ZFYVE16: variants seen among roughly 807,000 people sequenced by gnomAD.
The protein encoded by ZFYVE16 is zinc finger FYVE domain-containing protein 16.
Under a neutral mutation model 138.1 loss-of-function variants are expected in ZFYVE16, and 89 were observed. The observed-to-expected ratio is 0.64, with a 90% CI of 0.54 to 0.77. The LOEUF (loss-of-function observed/expected upper bound fraction) is 0.77. Among genes scored for constraint, ZFYVE16 ranks in the 30% least tolerant of loss-of-function variants. The pLI, the probability that ZFYVE16 is intolerant of heterozygous loss-of-function variation, is 0.00. For synonymous variants in ZFYVE16, 596 were observed against 618.3 expected, an observed-to-expected ratio of 0.96 and a Z score of 0.53; for missense variants, 1,793 against 1,786.7, an observed-to-expected ratio of 1.00 and a Z score of -0.06.
chr5:80,477,169 AG>A, intron 18 of ZFYVE16, 49 bp from the exon 19 acceptor site: 2 of 1,442,932 alleles, frequency 1.4e-6, no homozygotes, highest in Non-Finnish European at 1.9e-6. Context: ...TCACATTCCG[AG>A]TTAAACAAGA....
chr5:80,456,058 G>A (rs2112475127), intron 12 of ZFYVE16: 1 of 353,436 alleles, frequency 2.8e-6, no homozygotes, highest in Middle Eastern at 7.7e-4. Context: ...ACTCTATACA[G>A]ACCTCTTAAA....
At chr5:80,454,150 T>C (rs1377079612) in intron 11 of ZFYVE16, 2 of 152,228 alleles carry the variant, frequency 1.3e-5, no homozygotes, top group African/African-American at 2.4e-5. Flanking sequence ...TTACAAAATA[T>C]GTTTGTACTA....
chr5:80,448,527 C>A (rs1406813008), intron 8 of ZFYVE16, 123 bp downstream of exon 8: 5 of 924,850 alleles, frequency 5.4e-6, no homozygotes, highest in Non-Finnish European at 7.2e-6. Context: ...AGGCTGGTAA[C>A]TTTTGTTTAC....
chr5:80,459,735 T>TTGTTTAGGCAG (rs1297435423), intron 15 of ZFYVE16, among the ~76,000 whole-genome samples: 1 of 152,166 alleles, frequency 6.6e-6, no homozygotes, highest in African/African-American at 2.4e-5. Flanking sequence ...TTTTACTTTG[T>TTGTTTAGGCAG]ATATACATCT....
chr5:80,449,540 C>T (rs1183558337), intron 8 of ZFYVE16, 51 bp from the exon 9 acceptor site: 2 of 1,538,738 alleles, frequency 1.3e-6, no homozygotes, highest in East Asian at 2.4e-5. Context: ...CATTTGTAAG[C>T]ATATTTAACA....
intron 2 of ZFYVE16, among the ~76,000 whole-genome samples, chr5:80,431,834 G>A (rs371895228): frequency 4.6e-5 from 7 of 152,094 alleles, no homozygotes; most frequent in African/African-American, 1.2e-4. Context: ...CCCATTCACA[G>A]TTGCTTCAAA....
intron 18 of ZFYVE16, among the ~76,000 whole-genome samples, chr5:80,476,954 A>G (rs2112566061): frequency 6.6e-6 from 1 of 152,224 alleles, no homozygotes; most frequent in South Asian, 2.1e-4. Flanking sequence ...TCATCCCTCT[A>G]ATTTGTTTAT....
intron 14 of ZFYVE16, among the ~76,000 whole-genome samples, chr5:80,458,828 C>T (rs978488508): frequency 6.6e-6 from 1 of 152,182 alleles, no homozygotes; most frequent in African/African-American, 2.4e-5. Flanking sequence ...TTTGTGGTGT[C>T]ACCAGTAGTG....
chr5:80,451,549 C>T lies in ZFYVE16; in HGVS notation c.3447C>T (p.His1149=), dbSNP rs778444091. The T allele has an allele frequency of 7.4e-6, 12 of 1,613,798 alleles. No individual in the cohort carries two copies. Among genetic ancestry groups the T allele is most frequent in the African/African-American group, 2.7e-5 (2 of 75,000 alleles). The change falls in exon 11 of 19, where the codon CAC becomes CAT. Residue 1149 remains histidine (H), a synonymous_variant. Transcript: ENST00000505560. The part of the protein sequence containing the change: ...FTESFLSSKD[H]GGFLFITPTF... ...AGAGTTTTCTCAGTAGCAAGGATCA[C>T]GGAGGATTCCTGTTTATTACACCTA...
rs140858767 is a variant in ZFYVE16, at chr5:80,466,938, C to T, written c.4025-5823C>T. 2.0e-3 allele frequency among the ~76,000 whole-genome samples: 305 copies of T among 152,276 alleles called. 2 individuals are homozygous for T. Among genetic ancestry groups the T allele is most frequent in the African/African-American group, 7.0e-3 (292 of 41,556 alleles). On this transcript the variant is annotated intron_variant, in intron 15 of 18. Transcript: ENST00000505560. ...TATACCTATCCTCTCATCTCCAGCA[C>T]AGCAGAAGCCTTGAAAACCAGCAGG... is the stretch of plus-strand genomic sequence containing the variant.
In ZFYVE16 at chr5:80,459,587, A is replaced by G. The variant is rs1422827540; in HGVS notation, c.4024+93A>G. 1.2e-5 allele frequency: 13 copies of G among 1,116,552 alleles called. No individual in the cohort carries two copies. The South Asian group carries it at 2.0e-4, about 17-fold the overall frequency. The allele number at this position is 1,116,552 out of a possible 1,614,324, so 69.2% of individuals were successfully genotyped here. A position where few individuals can be genotyped will look rare whatever the true frequency, so the allele number is the denominator to read the frequency against. On this transcript the variant is annotated intron_variant, in intron 15 of 18. Transcript: ENST00000505560. ...TGATATTTACACAAGAACATATGTAAGTTATAAAGCACAGTACCACAAACT... is the reference window on the plus strand; with the variant it reads ...TGATATTTACACAAGAACATATGTAGGTTATAAAGCACAGTACCACAAACT...
chr5:80,465,087 T>TA (rs1401824575), intron 15 of ZFYVE16, among the ~76,000 whole-genome samples: 1 of 152,100 alleles, frequency 6.6e-6, no homozygotes, highest in African/African-American at 2.4e-5. Flanking sequence ...CCAAAATACA[T>TA]TTATGTTCTT....
intron 1 of ZFYVE16, among the ~76,000 whole-genome samples, chr5:80,414,884 G>T (rs1286341983): frequency 2.0e-5 from 3 of 152,196 alleles, no homozygotes; most frequent in African/African-American, 7.2e-5. Context: ...AGTATTAAAT[G>T]GGGTGATCCT....
Position 80,450,547 on chromosome 5 carries a change from T to C in ZFYVE16, c.3343T>C (p.Phe1115Leu), listed in dbSNP as rs147265373. ...TGAAGATACTATTCCTAAGGACATC[T>C]TCAGACTATTTATCACCATATATAA... ...PNEDTIPKDIFRLFITIYKDA... is the reference protein window; with the variant it reads ...PNEDTIPKDILRLFITIYKDA... Residue 1115 changes from phenylalanine to leucine, a missense_variant, in exon 10 of 19, where the codon TTC becomes CTC. Phe to Leu is a conservative substitution (Grantham distance 22). Coordinates refer to ENST00000505560, the MANE Select transcript of ZFYVE16 (RefSeq NM_001284236.3). The C allele has an allele frequency of 1.6e-5, 26 of 1,613,506 alleles. No individual in the cohort carries two copies. The African/African-American group carries it at 3.3e-4, about 21-fold the overall frequency.
chr5:80,427,972 A>AAAAG (rs386404253), intron 2 of ZFYVE16, among the ~76,000 whole-genome samples: 7 of 33,362 alleles, frequency 2.1e-4, no homozygotes, highest in Non-Finnish European at 7.5e-4. Context: ...ACTCCATCTC[A>AAAAG]AAAAAAAAAA....
rs1227406418 is a variant in ZFYVE16 at position 80,481,109 on chromosome 5, G to A, written c.*3732G>A. Among the ~76,000 whole-genome samples, 4 of 152,098 alleles carry A rather than the reference G, an allele frequency of 2.6e-5. No individual in the cohort carries two copies. Among genetic ancestry groups the A allele is most frequent in the African/African-American group, 4.8e-5 (2 of 41,410 alleles). On this transcript the variant is annotated 3_prime_UTR_variant, in exon 19 of 19. Transcript: ENST00000505560. ...GCAGTAAGACCCACCGCCCCACCAG[G>A]AGAACCATGGGTAATGACTTGGAAC...
At chr5:80,435,269 G>C (rs1403097864) in intron 3 of ZFYVE16, among the ~76,000 whole-genome samples, 1 of 152,108 alleles carries the variant, frequency 6.6e-6, no homozygotes, top group Non-Finnish European at 1.5e-5. Context: ...TCCTGGCCTT[G>C]TGATCCACCC....
intron 1 of ZFYVE16, among the ~76,000 whole-genome samples, chr5:80,415,814 C>T (rs781082687): frequency 1.5e-4 from 23 of 151,938 alleles, no homozygotes; most frequent in Non-Finnish European, 2.9e-4. Flanking sequence ...ATTACAGGCA[C>T]GTGCCACCAC....
intron 15 of ZFYVE16, among the ~76,000 whole-genome samples, chr5:80,466,918 C>G (rs1753807269): frequency 6.6e-6 from 1 of 152,108 alleles, no homozygotes; most frequent in Admixed American, 6.6e-5. Context: ...TGCCCTATAC[C>G]TATCCTCTCA....
Sources: allele counts gnomAD v4.1 joint callset (sites outside exome capture counted in the v4.1 genomes callset), GRCh38; gene constraint gnomAD v4.1.1; transcripts MANE v1.5; gene names NCBI Gene and HGNC (gene_info 2026-07-23, HGNC 2026-07-21).